The following ERC2 variants were observed in gnomAD, a reference collection of about 807,000 sequenced individuals.
ERC2 encodes the protein ERC protein 2.
Under a neutral mutation model 114.8 loss-of-function variants are expected in ERC2, and 42 were observed. The ratio of observed to expected loss-of-function variants is 0.37; its 90% CI spans 0.29 to 0.47. The LOEUF is 0.47. Ranked by LOEUF, ERC2 falls within the 20% of genes least tolerant of loss-of-function variation. The probability of loss-of-function intolerance (pLI) is 0.99; values close to 1 mark genes in which losing one functional copy is unlikely to be tolerated. For missense variants in ERC2, 939 were observed against 1,150.7 expected (o/e 0.82, Z 2.66); for synonymous variants, 454 against 425.5 (o/e 1.07, Z -0.82).
chr3:56,436,557 C>G (rs1310375199), intron 1 of ERC2, among the ~76,000 whole-genome samples: 1 of 152,174 alleles, frequency 6.6e-6, no homozygotes, highest in African/African-American at 2.4e-5. Flanking sequence ...CCCCTACTCA[C>G]AGTTCACTGG....
intron 1 of ERC2, among the ~76,000 whole-genome samples, chr3:56,456,783 C>A (rs80325823): frequency 2.0e-5 from 3 of 152,152 alleles, no homozygotes; most frequent in Non-Finnish European, 4.4e-5. Context: ...CAGGTGATTG[C>A]ACAAACTGTT....
chr3:55,716,188 A>G (rs1576281891), intron 15 of ERC2, among the ~76,000 whole-genome samples: 1 of 152,206 alleles, frequency 6.6e-6, no homozygotes, highest in African/African-American at 2.4e-5. Flanking sequence ...GAAACAGTTC[A>G]GTTACTGGGC....
intron 17 of ERC2, among the ~76,000 whole-genome samples, chr3:55,681,514 G>A (rs1253059698): frequency 6.6e-6 from 1 of 152,068 alleles, no homozygotes; most frequent in Non-Finnish European, 1.5e-5. Context: ...CTCAAAACAT[G>A]CAACGGCTGC....
chr3:56,001,810 T>C (rs1253228813), intron 10 of ERC2, among the ~76,000 whole-genome samples: 1 of 152,148 alleles, frequency 6.6e-6, no homozygotes, highest in Non-Finnish European at 1.5e-5. Context: ...TTGGTTTTCT[T>C]CCTGTTCCTA....
chr3:55,820,419 C>T (rs2060077937), intron 14 of ERC2, among the ~76,000 whole-genome samples: 1 of 152,284 alleles, frequency 6.6e-6, no homozygotes, highest in Non-Finnish European at 1.5e-5. Flanking sequence ...TTAACTTTGC[C>T]ATAAGCCTTA....
intron 2 of ERC2, among the ~76,000 whole-genome samples, chr3:56,385,239 G>T (rs896473941): frequency 6.6e-6 from 1 of 152,262 alleles, no homozygotes; most frequent in East Asian, 1.9e-4. Flanking sequence ...CTGCTGAGGG[G>T]TTACCTTTTG....
chr3:55,546,109 G>C (rs942878966), intron 17 of ERC2, among the ~76,000 whole-genome samples: 1 of 152,194 alleles, frequency 6.6e-6, no homozygotes, highest in Non-Finnish European at 1.5e-5. Flanking sequence ...GACTGGGGAG[G>C]AGGGTCCAGA....
chr3:55,550,799 G>A (rs966311910), intron 17 of ERC2, among the ~76,000 whole-genome samples: 12 of 151,884 alleles, frequency 7.9e-5, no homozygotes, highest in Admixed American at 3.9e-4. Flanking sequence ...GGCAGATCAC[G>A]AGGTCAGGAG....
At chr3:56,356,338 C>T (rs781183635) in intron 2 of ERC2, among the ~76,000 whole-genome samples, 6 of 152,120 alleles carry the variant, frequency 3.9e-5, no homozygotes, top group Non-Finnish European at 8.8e-5. Context: ...CAGGTATGTA[C>T]GAGGGCCTGG....
At chr3:55,762,520 G>A (rs976403250) in intron 14 of ERC2, among the ~76,000 whole-genome samples, 2 of 152,200 alleles carry the variant, frequency 1.3e-5, no homozygotes, top group East Asian at 3.9e-4. Context: ...CCCAGGTCAG[G>A]AGGGTCCTTA....
intron 14 of ERC2, among the ~76,000 whole-genome samples, chr3:55,855,012 C>A (rs776363742): frequency 2.0e-5 from 3 of 152,090 alleles, no homozygotes; most frequent in Non-Finnish European, 4.4e-5. Flanking sequence ...TATGATAAGC[C>A]CCCCATTATC....
At chr3:55,512,127 C>G (rs906702839) in intron 17 of ERC2, among the ~76,000 whole-genome samples, 10 of 152,170 alleles carry the variant, frequency 6.6e-5, no homozygotes, top group Admixed American at 5.2e-4. Flanking sequence ...ATATCCTGAG[C>G]TGTCTCATTT....
At chr3:55,608,286 G>A (rs1489576605) in intron 17 of ERC2, among the ~76,000 whole-genome samples, 2 of 152,150 alleles carry the variant, frequency 1.3e-5, no homozygotes, top group African/African-American at 4.8e-5. Flanking sequence ...GACAAAGAAA[G>A]GATAGCTTCT....
At chr3:56,426,458 G>C (rs1576905428) in intron 2 of ERC2, among the ~76,000 whole-genome samples, 1 of 152,216 alleles carries the variant, frequency 6.6e-6, no homozygotes, top group Non-Finnish European at 1.5e-5. Flanking sequence ...TGGGACTGTT[G>C]TTAAACATAT....
intron 6 of ERC2, among the ~76,000 whole-genome samples, chr3:56,092,350 G>A (rs1251880746): frequency 6.6e-6 from 1 of 152,146 alleles, no homozygotes; most frequent in Non-Finnish European, 1.5e-5. Flanking sequence ...TCACATGTGA[G>A]TTAATAATTC....
chr3:55,886,647 A>T (rs2063359882), intron 14 of ERC2, among the ~76,000 whole-genome samples: 1 of 152,190 alleles, frequency 6.6e-6, no homozygotes, highest in Admixed American at 6.5e-5. Context: ...TTCTCAGCTA[A>T]GTGTTTACAC....
intron 3 of ERC2, among the ~76,000 whole-genome samples, chr3:56,178,706 AG>A (rs1560315100): frequency 6.6e-6 from 1 of 152,222 alleles, no homozygotes; most frequent in African/African-American, 2.4e-5. Flanking sequence ...GAAATACAGC[AG>A]TGAACCAAAC....
chr3:56,465,113 G>A (rs1371349609), intron 1 of ERC2, among the ~76,000 whole-genome samples: 1 of 152,164 alleles, frequency 6.6e-6, no homozygotes, highest in Non-Finnish European at 1.5e-5. Flanking sequence ...AACAAAACAA[G>A]AGGGGCCGGT....
intron 6 of ERC2, among the ~76,000 whole-genome samples, chr3:56,112,428 GACAGACACACAC>G (rs2079010212): frequency 4.1e-5 from 3 of 72,728 alleles, no homozygotes; most frequent in African/African-American, 1.5e-4. Flanking sequence ...AGAAAAGACA[GACAGACACACAC>G]ACACACACAC....
Sources: allele counts gnomAD v4.1 joint callset (sites outside exome capture counted in the v4.1 genomes callset), GRCh38; gene constraint gnomAD v4.1.1; transcripts MANE v1.5; gene names NCBI Gene and HGNC (gene_info 2026-07-23, HGNC 2026-07-21).